The following WWP1 variants were observed in gnomAD, a reference collection of about 807,000 sequenced individuals.
WWP1 encodes NEDD4-like E3 ubiquitin-protein ligase WWP1.
A neutral mutation model predicts 130.6 loss-of-function variants in WWP1; 49 were observed. The observed-to-expected ratio is 0.38, with a 90% CI of 0.30 to 0.48. WWP1 has a LOEUF of 0.48. Among genes scored for constraint, WWP1 ranks in the 20% least tolerant of loss-of-function variants. WWP1 has a pLI of 0.99. For missense variants in WWP1, 809 were observed against 1,100.6 expected, an observed-to-expected ratio of 0.74 and a Z score of 3.75; for synonymous variants, 332 against 367.8, an observed-to-expected ratio of 0.90 and a Z score of 1.11.
intron 8 of WWP1, 135 bp from the exon 9 acceptor site, chr8:86,411,403 C>A: frequency 3.0e-6 from 2 of 666,148 alleles, no homozygotes; most frequent in Non-Finnish European, 4.8e-6. Context: ...GAAAATATTA[C>A]TTTGTCTGCT....
chr8:86,385,070 C>T (rs563203341), intron 5 of WWP1, among the ~76,000 whole-genome samples: 2 of 151,636 alleles, frequency 1.3e-5, no homozygotes, highest in Admixed American at 1.3e-4. Context: ...ATAAGTAACC[C>T]AAGAAAAACA....
intron 9 of WWP1, among the ~76,000 whole-genome samples, chr8:86,421,918 G>T (rs1488658425): frequency 6.6e-6 from 1 of 152,170 alleles, no homozygotes; most frequent in Admixed American, 6.5e-5. Flanking sequence ...TGCAGATGGG[G>T]AAGGGAGGTA....
rs555585296 is a variant in WWP1, at chr8:86,370,855, C to CTTTTTTTTTTTT, written c.-22+1841_-22+1852dup. On this transcript the variant is annotated intron_variant, in intron 2 of 24. Transcript: ENST00000517970. ...GGTATTGCTTATAGCTATATTCATT[C>CTTTTTTTTTTTT]TTTTTTTTTTTTTTTTTTTTTTTTT... is the stretch of plus-strand genomic sequence containing the variant. 2.8e-3 allele frequency among the ~76,000 whole-genome samples: 125 copies of CTTTTTTTTTTTT among 44,890 alleles called. 25 individuals carry two copies. Among genetic ancestry groups the CTTTTTTTTTTTT allele is most frequent in the Non-Finnish European group, 3.1e-3 (81 of 26,210 alleles). 29.4% of individuals were successfully genotyped at this position (44,890 alleles called of 152,430 possible).
rs61141803 is a variant in WWP1 at position 86,451,214 on chromosome 8, T to TAAAAAAAAAAAAAAAA, written c.2274-1321_2274-1306dup. Among the ~76,000 whole-genome samples the TAAAAAAAAAAAAAAAA allele has an allele frequency of 6.4e-4, 28 of 43,680 alleles. 3 individuals are homozygous for TAAAAAAAAAAAAAAAA. Among genetic ancestry groups the TAAAAAAAAAAAAAAAA allele is most frequent in the Non-Finnish European group, 8.0e-4 (19 of 23,622 alleles). The allele number at this position is 43,680 out of a possible 152,430, so 28.7% of individuals were successfully genotyped here. ...GCAACCGAGTGAGACCCTATGTTAT[T>TAAAAAAAAAAAAAAAA]AAAAAAAAAAAAAAAAAAAAAAAAA... On this transcript the variant is annotated intron_variant, in intron 20 of 24. Coordinates refer to ENST00000517970, the MANE Select transcript of WWP1 (RefSeq NM_007013.4).
At chr8:86,355,611 T>G (rs1249433206) in intron 1 of WWP1, among the ~76,000 whole-genome samples, 3 of 152,238 alleles carry the variant, frequency 2.0e-5, no homozygotes, top group Non-Finnish European at 2.9e-5. Context: ...TTGTCCTGAA[T>G]GCTTTCCCAG....
intron 5 of WWP1, among the ~76,000 whole-genome samples, chr8:86,389,570 C>T (rs1012157469): frequency 5.3e-5 from 8 of 152,212 alleles, no homozygotes; most frequent in African/African-American, 1.2e-4. Flanking sequence ...ACACAGACAC[C>T]GTAACAATCT....
At chr8:86,451,214 TAAAAAAAAAAAAAAAAAAAAAAAAA>T (rs61141803) in intron 20 of WWP1, among the ~76,000 whole-genome samples, 5,411 of 43,750 alleles carry the variant, frequency 0.12, 263 homozygotes, top group South Asian at 0.26. Flanking sequence ...CCTATGTTAT[TAAAAAAAAAAAAAAAAAAAAAAAAA>T]AAAAAAAAAA....
intron 20 of WWP1, among the ~76,000 whole-genome samples, chr8:86,449,239 C>G (rs1811047102): frequency 6.6e-6 from 1 of 152,214 alleles, no homozygotes; most frequent in South Asian, 2.1e-4. Context: ...ATTCTGCTAA[C>G]ATAGCTTCAA....
chr8:86,381,676 A>T, intron 5 of WWP1, 47 bp downstream of exon 5: 1 of 1,488,224 alleles, frequency 6.7e-7, no homozygotes, highest in Non-Finnish European at 8.9e-7. Flanking sequence ...TTTATTTTAG[A>T]CACTTTGAAC....
At chr8:86,422,339 T>G (rs1243859803) in intron 9 of WWP1, among the ~76,000 whole-genome samples, 12 of 136,724 alleles carry the variant, frequency 8.8e-5, no homozygotes, top group Admixed American at 1.4e-4. Flanking sequence ...ATTTATTTAT[T>G]TATTTATTTA....
chr8:86,432,240 C>T (rs532664316), intron 14 of WWP1, among the ~76,000 whole-genome samples: 1 of 152,226 alleles, frequency 6.6e-6, no homozygotes, highest in East Asian at 1.9e-4. Flanking sequence ...CAGATCTCTC[C>T]TTCATTCTTA....
chr8:86,362,735 A>G (rs1823743590), intron 1 of WWP1, among the ~76,000 whole-genome samples: 1 of 152,176 alleles, frequency 6.6e-6, no homozygotes, highest in Non-Finnish European at 1.5e-5. Flanking sequence ...GTAGGAGGGT[A>G]TATTTAATTT....
At chr8:86,429,070 C>T (rs1345453454) in intron 11 of WWP1, among the ~76,000 whole-genome samples, 1 of 152,140 alleles carries the variant, frequency 6.6e-6, no homozygotes, top group Non-Finnish European at 1.5e-5. Flanking sequence ...GTTCTTTCTG[C>T]CCTTTTGCTC....
Position 86,431,755 on chromosome 8 carries a change from C to T in WWP1, c.1601+12C>T. ...GGGAAGTCATCTGTGTGAGTGAAAA[C>T]CTGAAGTTCTCCTTTAAATATTGCT... On this transcript the variant is annotated intron_variant, in intron 14 of 24. Transcript: ENST00000517970. 1 of 1,612,904 alleles carries T rather than the reference C, an allele frequency of 6.2e-7. No homozygotes were observed. The highest frequency in any genetic ancestry group is 2.2e-5 in the East Asian group (1 of 44,828).
chr8:86,362,053 TATATACACAC>T (rs1321318518), intron 1 of WWP1, among the ~76,000 whole-genome samples: 18 of 82,308 alleles, frequency 2.2e-4, no homozygotes, highest in East Asian at 1.0e-3. Context: ...TATACACACA[TATATACACAC>T]ATATATATAC....
intron 5 of WWP1, chr8:86,386,900 C>G (rs955245442): frequency 1.2e-4 from 19 of 152,178 alleles, no homozygotes; most frequent in Admixed American, 9.8e-4. Flanking sequence ...GATCCAGTTC[C>G]TGTTTCCAAG....
At position 86,345,880 on chromosome 8, in the gene WWP1, A is replaced by G. The variant is rs148712957; in HGVS notation, c.-115+2950A>G. Among the ~76,000 whole-genome samples the G allele has an allele frequency of 4.4e-3, 668 of 152,348 alleles. 6 individuals are homozygous for G. The highest frequency in any genetic ancestry group is 0.015 in the African/African-American group (632 of 41,580). On this transcript the variant is annotated intron_variant, in intron 1 of 24. Transcript: ENST00000517970. ...ATGTTATTTGCTATTATATTACACA[A>G]TAAACTATTCCTGGAGTTTAAATGA...
intron 5 of WWP1, among the ~76,000 whole-genome samples, chr8:86,390,632 G>A (rs186891048): frequency 0.012 from 1,890 of 151,896 alleles, 18 homozygotes; most frequent in Non-Finnish European, 0.021. Flanking sequence ...GCAGTGAACC[G>A]AGATGGCGGC....
At chr8:86,416,800 C>A (rs945643240) in intron 9 of WWP1, among the ~76,000 whole-genome samples, 1 of 152,114 alleles carries the variant, frequency 6.6e-6, no homozygotes, top group African/African-American at 2.4e-5. Flanking sequence ...ATTTTCACTA[C>A]GGGATTATCT....
Sources: allele counts gnomAD v4.1 joint callset (sites outside exome capture counted in the v4.1 genomes callset), GRCh38; gene constraint gnomAD v4.1.1; transcripts MANE v1.5; gene names NCBI Gene and HGNC (gene_info 2026-07-23, HGNC 2026-07-21).